The following ADGRL3 variants were observed in gnomAD, a reference collection of about 807,000 sequenced individuals.
The protein encoded by ADGRL3 is calcium-independent alpha-latrotoxin receptor 3.
ADGRL3 carries 62 observed loss-of-function variants against 153.5 expected under a neutral mutation model. The ratio of observed to expected loss-of-function variants is 0.40; its 90% CI spans 0.33 to 0.50. ADGRL3 has a LOEUF of 0.50. Ranked by LOEUF, ADGRL3 falls within the 20% of genes least tolerant of loss-of-function variation. The pLI, the probability that ADGRL3 is intolerant of heterozygous loss-of-function variation, is 0.47. For synonymous variants in ADGRL3, 710 were observed against 672.5 expected, an observed-to-expected ratio of 1.06 and a Z score of -0.86; for missense variants, 1,641 against 1,859.4, an observed-to-expected ratio of 0.88 and a Z score of 2.16.
In ADGRL3 at chr4:61,679,795, C is replaced by A. The variant is rs74855602; in HGVS notation, c.583+2860C>A. 3.7e-3 allele frequency among the ~76,000 whole-genome samples: 563 copies of A among 152,052 alleles called. 13 individuals carry two copies. The South Asian group carries it at 0.062, about 17-fold the overall frequency. On this transcript the variant is annotated intron_variant, in intron 6 of 26. Coordinates refer to ENST00000683033, the MANE Select transcript of ADGRL3 (RefSeq NM_001387552.1). ...TGTTTCTAATACCTGTTCTTAAGAA[C>A]CTAGCTGTATTTCTCTCCATAATTG...
At chr4:61,802,144 A>G (rs1443123017) in intron 8 of ADGRL3, among the ~76,000 whole-genome samples, 1 of 152,156 alleles carries the variant, frequency 6.6e-6, no homozygotes, top group Non-Finnish European at 1.5e-5. Flanking sequence ...AGTTGAATTG[A>G]AACCATGTGA....
intron 5 of ADGRL3, among the ~76,000 whole-genome samples, chr4:61,609,000 T>C (rs1185094532): frequency 4.6e-5 from 7 of 152,152 alleles, no homozygotes; most frequent in Non-Finnish European, 1.0e-4. Flanking sequence ...TTAAAAATTG[T>C]CTTTTTTTTC....
At chr4:62,024,027 C>A (rs528890718) in intron 21 of ADGRL3, among the ~76,000 whole-genome samples, 1 of 152,176 alleles carries the variant, frequency 6.6e-6, no homozygotes, top group South Asian at 2.1e-4. Flanking sequence ...TATTGATACC[C>A]TTAACTTCTC....
intron 11 of ADGRL3, among the ~76,000 whole-genome samples, chr4:61,899,272 C>G (rs76572268): frequency 6.6e-6 from 1 of 152,062 alleles, no homozygotes; most frequent in Non-Finnish European, 1.5e-5. Flanking sequence ...TTCACCTCCC[C>G]TCTCCTCCCT....
At chr4:61,279,555 A>G (rs553675124) in intron 1 of ADGRL3, among the ~76,000 whole-genome samples, 1 of 152,260 alleles carries the variant, frequency 6.6e-6, no homozygotes, top group South Asian at 2.1e-4. Flanking sequence ...TTCATCTATA[A>G]GATGTGGTTG....
intron 1 of ADGRL3, among the ~76,000 whole-genome samples, chr4:61,376,201 C>A (rs1283810127): frequency 1.3e-5 from 2 of 151,998 alleles, no homozygotes; most frequent in African/African-American, 4.8e-5. Flanking sequence ...TAGATTTCAG[C>A]ATGTTCTACT....
At chr4:62,024,833 G>C (rs1027069344) in intron 21 of ADGRL3, among the ~76,000 whole-genome samples, 5 of 151,714 alleles carry the variant, frequency 3.3e-5, no homozygotes, top group Admixed American at 3.3e-4. Flanking sequence ...AGGAGGCTGA[G>C]GCAGGAGAAT....
intron 1 of ADGRL3, among the ~76,000 whole-genome samples, chr4:61,273,879 T>C (rs2093329989): frequency 6.6e-6 from 1 of 152,160 alleles, no homozygotes; most frequent in Admixed American, 6.5e-5. Context: ...ACGATATCTG[T>C]TCCTAGGCAT....
At chr4:62,041,285 G>A (rs750158273) in intron 24 of ADGRL3, among the ~76,000 whole-genome samples, 9 of 151,940 alleles carry the variant, frequency 5.9e-5, no homozygotes, top group Non-Finnish European at 1.2e-4. Flanking sequence ...TTTATAATAT[G>A]CATCAGTCAC....
intron 9 of ADGRL3, among the ~76,000 whole-genome samples, chr4:61,890,846 C>G (rs987443941): frequency 2.0e-5 from 3 of 151,878 alleles, no homozygotes; most frequent in Admixed American, 2.0e-4. Context: ...CATTGACACA[C>G]TTTTTTTTAA....
chr4:61,525,046 T>G (rs982093876), intron 4 of ADGRL3, among the ~76,000 whole-genome samples: 1 of 152,046 alleles, frequency 6.6e-6, no homozygotes, highest in African/African-American at 2.4e-5. Context: ...CTCAAGGACT[T>G]TGCAATCTGT....
chr4:61,747,667 C>T (rs1341195333), intron 8 of ADGRL3, among the ~76,000 whole-genome samples: 1 of 143,626 alleles, frequency 7.0e-6, no homozygotes, highest in African/African-American at 2.7e-5. Context: ...ACCCTTCATG[C>T]TAAAAACTCT....
At chr4:61,874,286 G>T (rs1251597843) in intron 9 of ADGRL3, among the ~76,000 whole-genome samples, 1 of 152,080 alleles carries the variant, frequency 6.6e-6, no homozygotes, top group Non-Finnish European at 1.5e-5. Flanking sequence ...TTTCTTGCTG[G>T]CCACTGGTCT....
intron 9 of ADGRL3, among the ~76,000 whole-genome samples, chr4:61,892,059 G>A (rs980984752): frequency 2.0e-5 from 3 of 152,146 alleles, no homozygotes; most frequent in Non-Finnish European, 4.4e-5. Context: ...AAAATTGTGT[G>A]AAGGTGAGTC....
intron 1 of ADGRL3, among the ~76,000 whole-genome samples, chr4:61,332,000 C>A (rs1197864305): frequency 6.6e-6 from 1 of 152,020 alleles, no homozygotes; most frequent in Non-Finnish European, 1.5e-5. Flanking sequence ...AATTTACTTT[C>A]TCCAAAGGCT....
intron 8 of ADGRL3, among the ~76,000 whole-genome samples, chr4:61,769,469 C>T (rs1343594604): frequency 7.9e-5 from 10 of 126,370 alleles, no homozygotes; most frequent in African/African-American, 1.6e-4. Context: ...ATCTTTCTCA[C>T]GGAGCAAAGA....
At chr4:61,290,019 G>A (rs923473432) in intron 1 of ADGRL3, among the ~76,000 whole-genome samples, 3 of 152,024 alleles carry the variant, frequency 2.0e-5, no homozygotes, top group Non-Finnish European at 4.4e-5. Context: ...ATACTTAAAC[G>A]TAAAGTTGTA....
At chr4:61,734,805 G>A (rs140488213) in intron 8 of ADGRL3, among the ~76,000 whole-genome samples, 60 of 152,216 alleles carry the variant, frequency 3.9e-4, no homozygotes, top group East Asian at 2.7e-3. Flanking sequence ...TATTTTTGCC[G>A]TTCAGCTGTA....
intron 8 of ADGRL3, among the ~76,000 whole-genome samples, chr4:61,777,226 G>A (rs1034119621): frequency 5.3e-5 from 8 of 152,040 alleles, no homozygotes; most frequent in African/African-American, 1.7e-4. Context: ...CCAGCTACTC[G>A]GGAGGCTGAG....
Sources: gnomAD v4.1 joint callset for allele counts (sites outside exome capture counted in the v4.1 genomes callset) on GRCh38, gnomAD v4.1.1 for gene constraint, MANE v1.5 for transcripts, NCBI Gene and HGNC (gene_info 2026-07-23, HGNC 2026-07-21) for gene names.